The following WDR7 variants were observed in gnomAD, a reference collection of about 807,000 sequenced individuals.
WDR7 encodes WD repeat-containing protein 7.
In WDR7, 46 loss-of-function variants were observed where a neutral mutation model predicts 169.4. The ratio of observed to expected loss-of-function variants is 0.27; its 90% CI spans 0.21 to 0.35. The LOEUF (loss-of-function observed/expected upper bound fraction) is 0.35, where lower values mean the gene tolerates loss of function less well. Ranked by LOEUF, WDR7 falls within the 10% of genes least tolerant of loss-of-function variation. The pLI is 1.00. For synonymous variants in WDR7, 612 were observed against 666.8 expected, an observed-to-expected ratio of 0.92 and a Z score of 1.27; for missense variants, 1,534 against 1,859.3, an observed-to-expected ratio of 0.83 and a Z score of 3.22.
chr18:56,702,747 C>G (rs2025860757), intron 12 of WDR7, among the ~76,000 whole-genome samples: 2 of 152,178 alleles, frequency 1.3e-5, no homozygotes, highest in South Asian at 4.1e-4. Flanking sequence ...GAAGGGAAAG[C>G]TAGTGCCAAA....
rs764208913 is a variant in WDR7, at chr18:57,029,568, C to A, written c.*2361C>A. 3 of 151,928 alleles carry A rather than the reference C, an allele frequency of 2.0e-5. No homozygotes were observed. The highest frequency in any genetic ancestry group is 2.9e-5 in the Non-Finnish European group (2 of 68,012). 9.4% of individuals were successfully genotyped at this position (151,928 alleles called of 1,614,324 possible). On this transcript the variant is annotated 3_prime_UTR_variant, in exon 28 of 28. Coordinates refer to ENST00000254442, the MANE Select transcript of WDR7 (RefSeq NM_015285.3). ...TCACTGGCACTGTATTTGGACCTGT[C>A]CTTGTATATGTAGAGACATATGTGG... is the stretch of plus-strand genomic sequence containing the variant.
rs138763808 is a variant in WDR7, at chr18:56,917,165, C to T, written c.3527-6757C>T. Among the ~76,000 whole-genome samples the T allele has an allele frequency of 3.2e-3, 490 of 152,126 alleles. 4 individuals carry two copies. Among genetic ancestry groups the T allele is most frequent in the African/African-American group, 0.011 (464 of 41,490 alleles). ...TGAGCCGAGATCATGCCGTTGCACT[C>T]CAGCCTGGGCGACAGGGTGACATTC... is the stretch of plus-strand genomic sequence containing the variant. On this transcript the variant is annotated intron_variant, in intron 21 of 27. Transcript: ENST00000254442.
intron 16 of WDR7, among the ~76,000 whole-genome samples, chr18:56,771,985 C>G (rs2044169376): frequency 7.0e-6 from 1 of 143,776 alleles, no homozygotes; most frequent in Non-Finnish European, 1.5e-5. Flanking sequence ...GGCTTGAGAC[C>G]AGGTGGTTGA....
intron 19 of WDR7, among the ~76,000 whole-genome samples, chr18:56,809,210 C>T (rs550393286): frequency 9.2e-5 from 14 of 152,242 alleles, no homozygotes; most frequent in African/African-American, 3.4e-4. Flanking sequence ...TTACCTGCCT[C>T]ATGTCTTTCT....
intron 18 of WDR7, 58 bp downstream of exon 18, chr18:56,779,607 G>A (rs1327400726): frequency 3.0e-6 from 4 of 1,345,194 alleles, no homozygotes; most frequent in Admixed American, 3.9e-5. Flanking sequence ...TTGGTCAAAT[G>A]TAAACTTGAA....
Position 56,718,010 on chromosome 18 carries a change from T to C in WDR7, c.1625T>C (p.Val542Ala). 1 of 1,614,136 alleles carries C rather than the reference T, an allele frequency of 6.2e-7. No individual in the cohort carries two copies. The highest frequency in any genetic ancestry group is 8.5e-7 in the Non-Finnish European group (1 of 1,180,004). ...TGCTCTGTAGCCAGTGACCACTCAG[T>C]AGGACTTCTAAGTTTGCGAGAGAAA... Reference protein sequence around the residue: ...CICSVASDHSVGLLSLREKKC... With the variant: ...CICSVASDHSAGLLSLREKKC... The change falls in exon 13 of 28, where the codon GTA (valine) becomes GCA (alanine). Residue 542 changes from valine (V) to alanine (A), a missense_variant. By Grantham distance (64) the Val-to-Ala change is moderately conservative (BLOSUM62 0). Coordinates refer to ENST00000254442, the MANE Select transcript of WDR7 (RefSeq NM_015285.3).
intron 12 of WDR7, among the ~76,000 whole-genome samples, chr18:56,707,700 C>T (rs1053375567): frequency 4.6e-5 from 7 of 151,962 alleles, no homozygotes; most frequent in Middle Eastern, 3.2e-3. Flanking sequence ...GAGGTTTGAC[C>T]CCATTTATTG....
chr18:57,018,435 G>T (rs1012612434), intron 26 of WDR7, among the ~76,000 whole-genome samples: 2 of 152,232 alleles, frequency 1.3e-5, no homozygotes, highest in African/African-American at 4.8e-5. Flanking sequence ...GGGCAGCCTG[G>T]TACACAGGTC....
In WDR7 at chr18:56,935,778, C is replaced by T. The variant is rs1237697612; in HGVS notation, c.3714-10C>T. On this transcript the variant is annotated splice_polypyrimidine_tract_variant and intron_variant, in intron 22 of 27. Coordinates refer to ENST00000254442, the MANE Select transcript of WDR7 (RefSeq NM_015285.3). ...TTTTCTTTTTTTCCCTTTTTCTGAT[C>T]CCTGTTTAGCATCACAATGGGGTTG... 3.1e-6 allele frequency: 5 copies of T among 1,611,708 alleles called. No individual in the cohort carries two copies. Among genetic ancestry groups the T allele is most frequent in the Non-Finnish European group, 4.2e-6 (5 of 1,178,048 alleles).
intron 1 of WDR7, among the ~76,000 whole-genome samples, chr18:56,657,935 T>G (rs948420274): frequency 6.7e-6 from 1 of 150,064 alleles, no homozygotes. Flanking sequence ...TTACAGGGGT[T>G]TTTTTTTTTG....
chr18:56,752,489 GCAT>G (rs2043811293), intron 14 of WDR7, among the ~76,000 whole-genome samples: 1 of 151,954 alleles, frequency 6.6e-6, no homozygotes, highest in African/African-American at 2.4e-5. Context: ...ACTTATGTAC[GCAT>G]CATCATCTGT....
Position 56,963,256 on chromosome 18 carries a change from T to C in WDR7, c.4164+727T>C, listed in dbSNP as rs549962237. Among the ~76,000 whole-genome samples the C allele has an allele frequency of 2.6e-5, 4 of 152,306 alleles. No homozygotes were observed. In the South Asian group the frequency reaches 6.2e-4, roughly 24 times the overall value. ...TCGGGGTTAGGCTCCACCATGATCA[T>C]GGTAAATTTATAATGTTGCATTGGT... On this transcript the variant is annotated intron_variant, in intron 26 of 27. Coordinates refer to ENST00000254442, the MANE Select transcript of WDR7 (RefSeq NM_015285.3).
At chr18:56,661,220 G>T (rs984910913) in intron 1 of WDR7, among the ~76,000 whole-genome samples, 1 of 151,966 alleles carries the variant, frequency 6.6e-6, no homozygotes, top group South Asian at 2.1e-4. Context: ...ATTAGAGGTG[G>T]GTGGCAGGAG....
At chr18:56,918,653 CT>C (rs1273829481) in intron 21 of WDR7, among the ~76,000 whole-genome samples, 1 of 152,056 alleles carries the variant, frequency 6.6e-6, no homozygotes, top group Non-Finnish European at 1.5e-5. Flanking sequence ...ATAAATATAG[CT>C]TTATGAAAAA....
At chr18:56,974,869 G>C (rs1166665296) in intron 26 of WDR7, among the ~76,000 whole-genome samples, 1 of 152,190 alleles carries the variant, frequency 6.6e-6, no homozygotes, top group East Asian at 1.9e-4. Flanking sequence ...CAGTGCTCCA[G>C]TAGAATGTGA....
At chr18:56,892,142 T>G (rs903098843) in intron 21 of WDR7, among the ~76,000 whole-genome samples, 1 of 152,092 alleles carries the variant, frequency 6.6e-6, no homozygotes, top group Non-Finnish European at 1.5e-5. Flanking sequence ...ACTTTGAATT[T>G]CTCTTCCAGA....
chr18:56,975,268 A>G (rs1189379602), intron 26 of WDR7, among the ~76,000 whole-genome samples: 2 of 151,970 alleles, frequency 1.3e-5, no homozygotes, highest in African/African-American at 4.8e-5. Flanking sequence ...ATTTGAGTTG[A>G]TCCCTGAGTA....
chr18:56,992,244 G>C (rs944974430), intron 26 of WDR7, among the ~76,000 whole-genome samples: 1 of 152,234 alleles, frequency 6.6e-6, no homozygotes, highest in African/African-American at 2.4e-5. Flanking sequence ...AAAGCTGAGA[G>C]TGCCTGCCTT....
At chr18:56,802,011 A>G (rs1175954902) in intron 19 of WDR7, among the ~76,000 whole-genome samples, 1 of 152,204 alleles carries the variant, frequency 6.6e-6, no homozygotes, top group Non-Finnish European at 1.5e-5. Flanking sequence ...GCTTAGTTAT[A>G]TAAGAGTAAG....
Sources: allele counts gnomAD v4.1 joint callset (sites outside exome capture counted in the v4.1 genomes callset), GRCh38; gene constraint gnomAD v4.1.1; transcripts MANE v1.5; gene names NCBI Gene and HGNC (gene_info 2026-07-23, HGNC 2026-07-21).